The following AKNAD1 variants were observed in gnomAD, a reference collection of about 807,000 sequenced individuals.
The protein encoded by AKNAD1 is protein AKNAD1.
In AKNAD1, 67 loss-of-function variants were observed where a neutral mutation model predicts 90.8. The observed-to-expected ratio is 0.74, with a 90% CI of 0.61 to 0.90. The LOEUF is 0.90. Ranked by LOEUF, AKNAD1 falls within the 40% of genes least tolerant of loss-of-function variation. The probability of loss-of-function intolerance (pLI) is 0.00; values close to 1 mark genes in which losing one functional copy is unlikely to be tolerated. For synonymous variants in AKNAD1, 327 were observed against 341.4 expected, an observed-to-expected ratio of 0.96 and a Z score of 0.46; for missense variants, 957 against 975.4, an observed-to-expected ratio of 0.98 and a Z score of 0.25.
intron 6 of AKNAD1, 94 bp from the exon 7 acceptor site, chr1:108,837,800 T>G (rs2101193075): frequency 7.5e-7 from 1 of 1,339,582 alleles, no homozygotes; most frequent in East Asian, 2.3e-5. Context: ...TGATTTATAT[T>G]ATTAATGTGG....
intron 7 of AKNAD1, among the ~76,000 whole-genome samples, chr1:108,836,100 A>T (rs562434751): frequency 6.6e-6 from 1 of 152,164 alleles, no homozygotes; most frequent in Admixed American, 6.5e-5. Context: ...ACTTACCACA[A>T]AGTTATTTAG....
At chr1:108,840,116 A>G (rs977066869) in intron 6 of AKNAD1, among the ~76,000 whole-genome samples, 2 of 152,216 alleles carry the variant, frequency 1.3e-5, no homozygotes, top group African/African-American at 4.8e-5. Context: ...AATGAGATAG[A>G]TAAGAATTGG....
chr1:108,825,619 G>A (rs1338527), intron 11 of AKNAD1, among the ~76,000 whole-genome samples: 71,090 of 150,968 alleles, frequency 0.47, 17,580 homozygotes, highest in Non-Finnish European at 0.52. Context: ...CCCCCTCATT[G>A]GAGAACAGCT....
chr1:108,825,831 C>T lies in AKNAD1; in HGVS notation c.1936+1374G>A, dbSNP rs113698066. ...TATGGCATTTAAAAAGTAATAAATCCATGTCATATTAACAAAATAGCAGTT... is the reference window on the plus strand; with the variant it reads ...TATGGCATTTAAAAAGTAATAAATCTATGTCATATTAACAAAATAGCAGTT... On this transcript the variant is annotated intron_variant, in intron 11 of 15. Transcript: ENST00000370001. Among the ~76,000 whole-genome samples the T allele has an allele frequency of 6.4e-3, 967 of 151,446 alleles. 22 individuals are homozygous for T. The highest frequency in any genetic ancestry group is 0.019 in the African/African-American group (779 of 41,366).
chr1:108,815,989 T>A lies in AKNAD1; in HGVS notation c.*182A>T. 2 of 432,898 alleles carry A rather than the reference T, an allele frequency of 4.6e-6. No homozygotes were observed. Among genetic ancestry groups the A allele is most frequent in the Middle Eastern group, 1.2e-3 (2 of 1,674 alleles). The allele number at this position is 432,898 out of a possible 1,614,324, so 26.8% of individuals were successfully genotyped here. A position where few individuals can be genotyped will look rare whatever the true frequency, so the allele number is the denominator to read the frequency against. On this transcript the variant is annotated 3_prime_UTR_variant, in exon 16 of 16. Coordinates refer to ENST00000370001, the MANE Select transcript of AKNAD1 (RefSeq NM_152763.5). ...TGTTGGTTGCTTTTGATTTTAAGAATCAGAAGTCCTTTCTTTTTTCTTTTT... is the reference window on the plus strand; with the variant it reads ...TGTTGGTTGCTTTTGATTTTAAGAAACAGAAGTCCTTTCTTTTTTCTTTTT...
chr1:108,820,683 G>A, intron 13 of AKNAD1, 57 bp from the exon 14 acceptor site: 1 of 951,040 alleles, frequency 1.1e-6, no homozygotes, highest in Non-Finnish European at 1.7e-6. Flanking sequence ...CCCAAATGGT[G>A]CCTATGTATC....
At chr1:108,817,275 T>C in intron 14 of AKNAD1, 98 bp from the exon 15 acceptor site, 1 of 1,516,006 alleles carries the variant, frequency 6.6e-7, no homozygotes, top group Non-Finnish European at 8.9e-7. Flanking sequence ...TCTGTGTGGT[T>C]TGGGTGTGGG....
intron 11 of AKNAD1, 29 bp from the exon 12 acceptor site, chr1:108,823,717 G>A (rs1305885999): frequency 1.9e-5 from 31 of 1,613,714 alleles, no homozygotes; most frequent in Non-Finnish European, 2.6e-5. Flanking sequence ...CATGAATGAA[G>A]GGTAAGTGTC....
At chr1:108,816,927 C>T in intron 15 of AKNAD1, 121 bp downstream of exon 15, 2 of 1,233,796 alleles carry the variant, frequency 1.6e-6, no homozygotes, top group Non-Finnish European at 2.3e-6. Flanking sequence ...ACAAAATTGT[C>T]TTTAGCAGAG....
chr1:108,821,922 A>G (rs1024392108), intron 13 of AKNAD1, among the ~76,000 whole-genome samples: 2 of 151,996 alleles, frequency 1.3e-5, no homozygotes, highest in Non-Finnish European at 2.9e-5. Context: ...TCAAGTAGCC[A>G]GGCTTCACTC....
chr1:108,856,401 C>T (rs17621644), intron 1 of AKNAD1, among the ~76,000 whole-genome samples: 18,705 of 151,682 alleles, frequency 0.12, 1,269 homozygotes, highest in Middle Eastern at 0.16. Flanking sequence ...CTCTGGCTCT[C>T]AAGAAAAAGA....
In AKNAD1 at chr1:108,823,589, G is replaced by C; in HGVS notation, c.2036C>G (p.Ala679Gly). ...CGTKIPTSRRACRKEPTKEFH... is the reference protein window; with the variant it reads ...CGTKIPTSRRGCRKEPTKEFH... The stretch of plus-strand genomic sequence containing the variant: ...ACCTTTAGTTGGTTCTTTCCTGCAG[G>C]CTCTTCGGGAGGTAGGAATCTTAGT... The change falls in exon 12 of 16, where the codon GCC becomes GGC. Residue 679 changes from alanine to glycine, a missense_variant. Ala to Gly is a moderately conservative substitution (Grantham distance 60, BLOSUM62 0). Coordinates refer to ENST00000370001, the MANE Select transcript of AKNAD1 (RefSeq NM_152763.5). 1.9e-6 allele frequency: 3 copies of C among 1,614,100 alleles called. No individual in the cohort carries two copies. Among genetic ancestry groups the C allele is most frequent in the Non-Finnish European group, 2.5e-6 (3 of 1,180,004 alleles).
At chr1:108,855,047 G>T (rs1250757487) in intron 1 of AKNAD1, among the ~76,000 whole-genome samples, 1 of 152,176 alleles carries the variant, frequency 6.6e-6, no homozygotes, top group Non-Finnish European at 1.5e-5. Flanking sequence ...ACTGAAGAAT[G>T]CCCAGGTCCA....
Position 108,830,660 on chromosome 1 carries a change from A to G in AKNAD1, c.1747-10T>C, listed in dbSNP as rs1406425945. On this transcript the variant is annotated splice_polypyrimidine_tract_variant and intron_variant, in intron 9 of 15. Coordinates refer to ENST00000370001, the MANE Select transcript of AKNAD1 (RefSeq NM_152763.5). ...TGCCGTTGGGATCCTCCTGCGCCAC[A>G]AAGCACACAGATGGAGATGTGATAG... The G allele has an allele frequency of 3.1e-6, 5 of 1,613,772 alleles. No homozygotes were observed. The highest frequency in any genetic ancestry group is 3.4e-6 in the Non-Finnish European group (4 of 1,179,890).
Position 108,816,087 on chromosome 1 carries a change from TGTA to T in AKNAD1, c.*81_*83del, listed in dbSNP as rs1418120089. ...TCTAGAAAGTCATCTTCCTAAATTGTGTAGTAAGTAAAATACATTTTGGGGGAA... is the reference window on the plus strand; with the variant it reads ...TCTAGAAAGTCATCTTCCTAAATTGTGTAAGTAAAATACATTTTGGGGGAA... On this transcript the variant is annotated 3_prime_UTR_variant, in exon 16 of 16. Transcript: ENST00000370001. The T allele has an allele frequency of 4.4e-6, 6 of 1,368,420 alleles. No individual in the cohort carries two copies. The African/African-American group carries it at 4.4e-5, about 10-fold the overall frequency. The allele number at this position is 1,368,420 out of a possible 1,614,324, so 84.8% of individuals were successfully genotyped here. A position where few individuals can be genotyped will look rare whatever the true frequency, so the allele number is the denominator to read the frequency against.
At chr1:108,848,670 A>C in intron 5 of AKNAD1, 82 bp downstream of exon 5, 1 of 1,278,056 alleles carries the variant, frequency 7.8e-7, no homozygotes, top group East Asian at 2.3e-5. Flanking sequence ...CTGTAGAGAA[A>C]ACATGGCACT....
intron 9 of AKNAD1, among the ~76,000 whole-genome samples, chr1:108,831,802 A>AT (rs1664207562): frequency 6.6e-6 from 1 of 151,670 alleles, no homozygotes; most frequent in African/African-American, 2.4e-5. Flanking sequence ...AATTTTTTGT[A>AT]TTTTTAGTGG....
chr1:108,854,139 G>A (rs1281869046), intron 1 of AKNAD1, among the ~76,000 whole-genome samples: 1 of 152,166 alleles, frequency 6.6e-6, no homozygotes. Context: ...GGATATTCCT[G>A]AAAATGGCTG....
At position 108,829,268 on chromosome 1, in the gene AKNAD1, C is replaced by T. The variant is rs1664107672; in HGVS notation, c.1838+1291G>A. On this transcript the variant is annotated intron_variant, in intron 10 of 15. Coordinates refer to ENST00000370001, the MANE Select transcript of AKNAD1 (RefSeq NM_152763.5). ...CACTTGGTTGTGCTTGTCTTTCCAGCTTGTCTATCATAAAAAAGTATTATT... is the reference window on the plus strand; with the variant it reads ...CACTTGGTTGTGCTTGTCTTTCCAGTTTGTCTATCATAAAAAAGTATTATT... Among the ~76,000 whole-genome samples the T allele has an allele frequency of 5.3e-5, 8 of 151,712 alleles. No individual in the cohort carries two copies. In the South Asian group the frequency reaches 1.7e-3, roughly 32 times the overall value.
Sources: allele counts gnomAD v4.1 joint callset (sites outside exome capture counted in the v4.1 genomes callset), GRCh38; gene constraint gnomAD v4.1.1; transcripts MANE v1.5; gene names NCBI Gene and HGNC (gene_info 2026-07-23, HGNC 2026-07-21).